Variants in TBC1D19 observed in about 807,000 individuals in gnomAD.
TBC1D19 encodes the protein TBC1 domain family, member 19.
In TBC1D19, 60 loss-of-function variants were observed where a neutral mutation model predicts 89.0. The ratio of observed to expected loss-of-function variants is 0.67; its 90% CI spans 0.55 to 0.84. The LOEUF (loss-of-function observed/expected upper bound fraction) is 0.84, where lower values mean the gene tolerates loss of function less well. TBC1D19 is among the 40% of genes least tolerant of loss of function. TBC1D19 has a pLI of 0.00. For missense variants in TBC1D19, 500 were observed against 610.8 expected (o/e 0.82, Z 1.91); for synonymous variants, 189 against 199.7 (o/e 0.95, Z 0.45).
intron 1 of TBC1D19, 48 bp downstream of exon 1, chr4:26,584,340 G>A: frequency 6.5e-7 from 1 of 1,541,958 alleles, no homozygotes; most frequent in African/African-American, 1.4e-5. Flanking sequence ...GGGCCGCGGC[G>A]ATGTCTCTTC....
intron 1 of TBC1D19, among the ~76,000 whole-genome samples, chr4:26,600,983 G>A (rs1740555941): frequency 6.6e-6 from 1 of 152,218 alleles, no homozygotes; most frequent in African/African-American, 2.4e-5. Flanking sequence ...GTGGTAGGTT[G>A]GGCTCTTGAG....
At chr4:26,706,228 T>C (rs1269236525) in intron 13 of TBC1D19, among the ~76,000 whole-genome samples, 1 of 152,170 alleles carries the variant, frequency 6.6e-6, no homozygotes, top group Non-Finnish European at 1.5e-5. Context: ...TCTGTTCAGA[T>C]TTTCTATTTC....
chr4:26,591,560 G>A (rs1434122629), intron 1 of TBC1D19, among the ~76,000 whole-genome samples: 1 of 151,908 alleles, frequency 6.6e-6, no homozygotes, highest in Non-Finnish European at 1.5e-5. Flanking sequence ...CTGGTTTTTT[G>A]AAAAGAACAA....
chr4:26,577,764 C>T (rs1739003264), intron 1 of TBC1D19, among the ~76,000 whole-genome samples: 1 of 152,202 alleles, frequency 6.6e-6, no homozygotes, highest in Non-Finnish European at 1.5e-5. Context: ...TTATGAGAGA[C>T]TGCATGGGAG....
chr4:26,660,628 C>T (rs1310315993), intron 8 of TBC1D19, among the ~76,000 whole-genome samples: 1 of 152,160 alleles, frequency 6.6e-6, no homozygotes, highest in East Asian at 1.9e-4. Flanking sequence ...GCAGGGGCTT[C>T]CATTTCTAGT....
At chr4:26,792,969 T>TCTG in the TBC1D19 span, among the ~76,000 whole-genome samples, 1 of 152,214 alleles carries the variant, frequency 6.6e-6, no homozygotes, top group East Asian at 1.9e-4. Flanking sequence ...ATTAAGCAAT[T>TCTG]CTGCCTTTCT....
At chr4:26,640,268 G>A (rs1335639171) in intron 7 of TBC1D19, 81 bp downstream of exon 7, 1 of 1,195,390 alleles carries the variant, frequency 8.4e-7, no homozygotes, top group Non-Finnish European at 1.2e-6. Context: ...TATCAAGGCA[G>A]AGGGATTAGC....
At chr4:26,585,157 C>T (rs753568962) in intron 1 of TBC1D19, 1 of 445,074 alleles carries the variant, frequency 2.2e-6, no homozygotes, top group Non-Finnish European at 4.5e-6. Context: ...TGGATAAATA[C>T]CTAGGATTGG....
At chr4:26,837,838 T>C in the TBC1D19 span, among the ~76,000 whole-genome samples, 70,084 of 151,768 alleles carry the variant, frequency 0.46, 16,556 homozygotes, top group Middle Eastern at 0.65. Flanking sequence ...GAAAGGAGGA[T>C]GGTAAGTATT....
rs1385308833 is a variant in TBC1D19, at chr4:26,753,885, G to T, written c.1501G>T (p.Ala501Ser). ...NLMEVTSLAAAEAVLADLSTL... is the reference protein window; with the variant it reads ...NLMEVTSLAASEAVLADLSTL... ...GATGGAGGTGACATCACTGGCTGCA[G>T]CTGAAGTAAGGATAAGTTTCACTCA... The change falls in exon 20 of 21, where the codon GCT becomes TCT. Residue 501 changes from alanine (A) to serine (S), a missense_variant. By Grantham distance (99) the Ala-to-Ser change is moderately conservative. Around this residue, in one of 2 missense-constraint regions of TBC1D19, gnomAD observed 220 missense variants for 319.1 expected, o/e 0.69. Coordinates refer to ENST00000264866, the MANE Select transcript of TBC1D19 (RefSeq NM_018317.4). 1 of 1,613,910 alleles carries T rather than the reference G, an allele frequency of 6.2e-7. No individual in the cohort carries two copies.
chr4:26,703,788 C>T (rs963358418), intron 13 of TBC1D19, among the ~76,000 whole-genome samples: 1 of 150,534 alleles, frequency 6.6e-6, no homozygotes. Flanking sequence ...CCCATCTCTA[C>T]TAAAAATACA....
At chr4:26,620,350 T>A (rs867636045) in intron 3 of TBC1D19, among the ~76,000 whole-genome samples, 1 of 152,344 alleles carries the variant, frequency 6.6e-6, no homozygotes, top group South Asian at 2.1e-4. Flanking sequence ...TTTGTATGTG[T>A]TTGTGATTAT....
chr4:26,608,427 T>C (rs1365451217), intron 1 of TBC1D19, among the ~76,000 whole-genome samples: 1 of 152,198 alleles, frequency 6.6e-6, no homozygotes, highest in South Asian at 2.1e-4. Context: ...GGATTCCTAA[T>C]AGGGTTTCGA....
the TBC1D19 span, among the ~76,000 whole-genome samples, chr4:26,856,642 G>C: frequency 6.6e-6 from 1 of 152,058 alleles, no homozygotes; most frequent in African/African-American, 2.4e-5. Flanking sequence ...ACACTTATTT[G>C]TCTTTTTGAT....
chr4:26,721,063 TGTCC>T (rs1203663776), intron 15 of TBC1D19, among the ~76,000 whole-genome samples: 10 of 152,176 alleles, frequency 6.6e-5, no homozygotes, highest in Admixed American at 2.0e-4. Context: ...CATCTACCTC[TGTCC>T]CTCTTTTAAT....
chr4:26,752,791 GT>G (rs1389288824), intron 19 of TBC1D19, among the ~76,000 whole-genome samples: 4 of 152,106 alleles, frequency 2.6e-5, no homozygotes, highest in African/African-American at 9.7e-5. Flanking sequence ...CTTTTTCCAT[GT>G]GCGTATGTTT....
At chr4:26,761,999 G>A in the TBC1D19 span, among the ~76,000 whole-genome samples, 1 of 152,258 alleles carries the variant, frequency 6.6e-6, no homozygotes. Flanking sequence ...AGCTGGGTAT[G>A]GTGGCACATG....
At chr4:26,737,233 C>G (rs1403734261) in intron 16 of TBC1D19, among the ~76,000 whole-genome samples, 1 of 152,054 alleles carries the variant, frequency 6.6e-6, no homozygotes, top group Admixed American at 6.6e-5. Context: ...CAGCTTTATT[C>G]TCTTGGGCAA....
intron 19 of TBC1D19, among the ~76,000 whole-genome samples, chr4:26,752,145 T>C (rs1315688601): frequency 6.6e-6 from 1 of 152,158 alleles, no homozygotes. Context: ...AATGACTTAT[T>C]CTCTTTGTAA....
Sources: allele counts gnomAD v4.1 joint callset (sites outside exome capture counted in the v4.1 genomes callset), GRCh38; gene constraint gnomAD v4.1.1; regional missense constraint gnomAD v4.1.1; transcripts MANE v1.5; gene names NCBI Gene and HGNC (gene_info 2026-07-23, HGNC 2026-07-21).